The following ZNF407 variants were observed in gnomAD, a reference collection of about 807,000 sequenced individuals.
The protein encoded by ZNF407 is zinc finger protein 407.
Under a neutral mutation model 131.2 loss-of-function variants are expected in ZNF407, and 17 were observed. The observed-to-expected ratio is 0.13, with a 90% CI of 0.09 to 0.19. The LOEUF (loss-of-function observed/expected upper bound fraction) is 0.19, where lower values mean the gene tolerates loss of function less well. Ranked by LOEUF, ZNF407 falls within the 10% of genes least tolerant of loss-of-function variation. ZNF407 has a pLI of 1.00. For synonymous variants in ZNF407, 1,156 were observed against 1,062.0 expected (o/e 1.09, Z -1.72); for missense variants, 2,681 against 2,830.6 (o/e 0.95, Z 1.20).
intron 8 of ZNF407, among the ~76,000 whole-genome samples, chr18:74,938,839 T>C (rs1420329529): frequency 6.6e-6 from 1 of 152,230 alleles, no homozygotes; most frequent in Non-Finnish European, 1.5e-5. Flanking sequence ...CTGAATGACC[T>C]CTAGAAAATG....
intron 3 of ZNF407, among the ~76,000 whole-genome samples, chr18:74,719,282 GTCTGGCTGTAATT>G (rs1482392573): frequency 6.6e-6 from 1 of 151,926 alleles, no homozygotes; most frequent in Non-Finnish European, 1.5e-5. Context: ...AGTTCCTCCT[GTCTGGCTGTAATT>G]TTGTATCCTT....
chr18:74,909,423 T>G (rs1166940770), intron 7 of ZNF407, among the ~76,000 whole-genome samples: 2 of 152,142 alleles, frequency 1.3e-5, no homozygotes, highest in Non-Finnish European at 2.9e-5. Context: ...TACATGTTGT[T>G]CTACCATAGA....
chr18:74,930,811 T>C (rs1249608756), intron 8 of ZNF407, among the ~76,000 whole-genome samples: 1 of 152,196 alleles, frequency 6.6e-6, no homozygotes, highest in African/African-American at 2.4e-5. Flanking sequence ...CACCACAGTG[T>C]TCTGTGGGTT....
At chr18:74,720,440 C>T (rs999294712) in intron 3 of ZNF407, among the ~76,000 whole-genome samples, 2 of 151,832 alleles carry the variant, frequency 1.3e-5, no homozygotes, top group South Asian at 4.2e-4. Flanking sequence ...TATTTTCTCC[C>T]ATTCTGTAGG....
At chr18:74,914,474 A>T (rs887837133) in intron 7 of ZNF407, among the ~76,000 whole-genome samples, 1 of 152,068 alleles carries the variant, frequency 6.6e-6, no homozygotes, top group Non-Finnish European at 1.5e-5. Flanking sequence ...GGGAGCCACA[A>T]CCTGGAGCCC....
intron 1 of ZNF407, among the ~76,000 whole-genome samples, chr18:74,607,791 CAAAT>C (rs1403985701): frequency 2.0e-5 from 3 of 152,086 alleles, no homozygotes; most frequent in Admixed American, 6.5e-5. Flanking sequence ...TAGTAGATGA[CAAAT>C]AAATGAGTTG....
At chr18:74,976,362 A>G (rs1416966125) in intron 8 of ZNF407, among the ~76,000 whole-genome samples, 3 of 152,180 alleles carry the variant, frequency 2.0e-5, no homozygotes, top group African/African-American at 7.2e-5. Flanking sequence ...TATTTACAGC[A>G]GTGATGTTTG....
Position 74,633,950 on chromosome 18 carries a change from A to G in ZNF407, c.2931A>G (p.Leu977=), listed in dbSNP as rs1355024944. 3 of 1,614,042 alleles carry G rather than the reference A, an allele frequency of 1.9e-6. No homozygotes were observed. The highest frequency in any genetic ancestry group is 2.5e-6 in the Non-Finnish European group (3 of 1,179,896). The change falls in exon 2 of 9, where the codon CTA becomes CTG. Residue 977 remains leucine, a synonymous_variant. Transcript: ENST00000299687. ...EAEVENVFHS[L]DGEVNSHLLD... ...AAGTTGAAAATGTATTTCATTCTCT[A>G]GATGGAGAAGTTAACAGCCATCTTC...
At chr18:74,757,591 G>T (rs1434241563) in intron 3 of ZNF407, among the ~76,000 whole-genome samples, 1 of 152,022 alleles carries the variant, frequency 6.6e-6, no homozygotes, top group Non-Finnish European at 1.5e-5. Flanking sequence ...AGTTCTGGAG[G>T]CTATTCTCTG....
At chr18:74,600,977 G>C (rs923615758) in intron 1 of ZNF407, among the ~76,000 whole-genome samples, 2 of 152,356 alleles carry the variant, frequency 1.3e-5, no homozygotes, top group African/African-American at 4.8e-5. Context: ...TGCATTTATA[G>C]TAGGTTAGAC....
chr18:74,894,213 T>C (rs1971423724), intron 7 of ZNF407, among the ~76,000 whole-genome samples: 1 of 152,090 alleles, frequency 6.6e-6, no homozygotes, highest in African/African-American at 2.4e-5. Flanking sequence ...TCTAATCCAT[T>C]ACAAATCAGT....
At chr18:75,025,476 G>A (rs1247100698) in intron 8 of ZNF407, among the ~76,000 whole-genome samples, 4 of 152,214 alleles carry the variant, frequency 2.6e-5, no homozygotes, top group African/African-American at 9.7e-5. Flanking sequence ...GGTTATAAAT[G>A]TGGCAGCTCA....
chr18:74,782,900 G>A (rs1464608954), intron 4 of ZNF407, among the ~76,000 whole-genome samples: 1 of 152,090 alleles, frequency 6.6e-6, no homozygotes, highest in African/African-American at 2.4e-5. Context: ...ACCGTGCCCG[G>A]CCTATTTCCC....
At chr18:74,747,799 A>G (rs1471823092) in intron 3 of ZNF407, among the ~76,000 whole-genome samples, 1 of 152,180 alleles carries the variant, frequency 6.6e-6, no homozygotes, top group African/African-American at 2.4e-5. Context: ...TTCATTATGA[A>G]TATAATTTTC....
rs569097186 is a variant in ZNF407, at chr18:75,048,982, A to G, written c.5429-14168A>G. On this transcript the variant is annotated intron_variant, in intron 8 of 8. Coordinates refer to ENST00000299687, the MANE Select transcript of ZNF407 (RefSeq NM_017757.3). The surrounding 1 kb of genome is among the most constrained non-coding windows in gnomAD (Gnocchi z 4.1). ...GTGGAGTCACCCTTGGCTGGCCTGG[A>G]TGCAGTGGGGGCAGTGCTGCCAGCC... 1.6e-4 allele frequency among the ~76,000 whole-genome samples: 24 copies of G among 150,520 alleles called. No homozygotes were observed. Among genetic ancestry groups the G allele is most frequent in the African/African-American group, 5.6e-4 (23 of 41,122 alleles).
In ZNF407 at chr18:75,064,400, C is replaced by T; in HGVS notation, c.6679C>T (p.Gln2227Ter). The T allele has an allele frequency of 6.5e-7, 1 of 1,545,206 alleles. No homozygotes were observed. The highest frequency in any genetic ancestry group is 2.1e-5 in the Admixed American group (1 of 47,896). ...EQLASVVIYT[Q>*]EGSSAAAAIQ... is the part of the protein sequence containing the mutation. ...GCTGGCCAGCGTGGTCATCTACACC[C>T]AGGAGGGCTCCTCGGCCGCGGCGGC... The change falls in exon 9 of 9, where the codon CAG becomes TAG. Residue 2227 changes from glutamine to a stop codon, truncating the protein, a stop_gained. Transcript: ENST00000299687. LOFTEE classifies it high-confidence loss of function.
At position 74,793,815 on chromosome 18, in the gene ZNF407, A is replaced by T. The variant is rs185571353; in HGVS notation, c.4877+12313A>T. Among the ~76,000 whole-genome samples, 247 of 152,282 alleles carry T rather than the reference A, an allele frequency of 1.6e-3. 1 individual carries two copies. The highest frequency in any genetic ancestry group is 5.5e-3 in the African/African-American group (227 of 41,568). On this transcript the variant is annotated intron_variant, in intron 4 of 8. Transcript: ENST00000299687. Reference sequence around the variant, plus strand: ...TGTCGGGAAGCATTTTCCCGGGAGGAAAGACCTTCTTAGAGGAGAAGGCCA... The same window carrying T: ...TGTCGGGAAGCATTTTCCCGGGAGGTAAGACCTTCTTAGAGGAGAAGGCCA...
In ZNF407 at chr18:74,879,417, C is replaced by T. The variant is rs74708999; in HGVS notation, c.5045-1619C>T. 5.6e-3 allele frequency among the ~76,000 whole-genome samples: 847 copies of T among 152,060 alleles called. 7 individuals carry two copies. Among genetic ancestry groups the T allele is most frequent in the Non-Finnish European group, 9.5e-3 (643 of 67,996 alleles). ...GCAGGCAGCACCCACGGACCCGCAA[C>T]GAGGAATTGATTGGAGGGAACGATT... On this transcript the variant is annotated intron_variant, in intron 5 of 8. Transcript: ENST00000299687.
chr18:74,968,546 T>C (rs941163605), intron 8 of ZNF407, among the ~76,000 whole-genome samples: 12 of 152,214 alleles, frequency 7.9e-5, no homozygotes, highest in African/African-American at 1.4e-4. Flanking sequence ...TCTTCACACC[T>C]GAAATATAGT....
Sources: gnomAD v4.1 joint callset for allele counts (sites outside exome capture counted in the v4.1 genomes callset) on GRCh38, gnomAD v4.1.1 for gene constraint, Gnocchi (gnomAD v3.1) non-coding constraint, MANE v1.5 for transcripts, NCBI Gene and HGNC (gene_info 2026-07-23, HGNC 2026-07-21) for gene names.